MACROD2: variants seen among roughly 807,000 people sequenced by gnomAD.
MACROD2 encodes ADP-ribose glycohydrolase MACROD2.
MACROD2 carries 36 observed loss-of-function variants against 70.4 expected under a neutral mutation model. That is an observed-to-expected ratio of 0.51 (90% CI 0.39 to 0.68). The LOEUF (loss-of-function observed/expected upper bound fraction) is 0.68. Among genes scored for constraint, MACROD2 ranks in the 30% least tolerant of loss-of-function variants. MACROD2 has a pLI of 0.00. For synonymous variants in MACROD2, 172 were observed against 178.8 expected, an observed-to-expected ratio of 0.96 and a Z score of 0.30; for missense variants, 496 against 538.4, an observed-to-expected ratio of 0.92 and a Z score of 0.78.
intron 8 of MACROD2, among the ~76,000 whole-genome samples, chr20:15,826,493 T>C (rs1165614072): frequency 4.6e-5 from 7 of 152,234 alleles, no homozygotes; most frequent in Admixed American, 4.6e-4. Flanking sequence ...TGAATAAACA[T>C]TATTTAACTC....
rs878926707 is a variant in MACROD2, at chr20:14,273,755, C to A, written c.271+188027C>A. On this transcript the variant is annotated intron_variant, in intron 3 of 17. Coordinates refer to ENST00000684519, the MANE Select transcript of MACROD2 (RefSeq NM_001351661.2). ...CAATTGATAGACCGCTAGCAAGACT[C>A]ATAAAGAAGAAAAGAGAGAAGAATC... Among the ~76,000 whole-genome samples, 242 of 152,020 alleles carry A rather than the reference C, an allele frequency of 1.6e-3. 1 individual carries two copies. The highest frequency in any genetic ancestry group is 5.3e-3 in the African/African-American group (219 of 41,474).
In MACROD2 at chr20:15,533,673, T is replaced by C. The variant is rs146712392; in HGVS notation, c.645+33826T>C. 1.6e-3 allele frequency among the ~76,000 whole-genome samples: 247 copies of C among 152,234 alleles called. 3 individuals are homozygous for C. Among genetic ancestry groups the C allele is most frequent in the African/African-American group, 5.7e-3 (238 of 41,550 alleles). On this transcript the variant is annotated intron_variant, in intron 8 of 17. Coordinates refer to ENST00000684519, the MANE Select transcript of MACROD2 (RefSeq NM_001351661.2). ...AAAAGGAAGCATCCTGTAGGTACTT[T>C]GCAGGCATAGCTGATGTTGTATCAT...
At position 15,852,817 on chromosome 20, in the gene MACROD2, G is replaced by A. The variant is rs925292834; in HGVS notation, c.646-9928G>A. On this transcript the variant is annotated intron_variant, in intron 8 of 17. Transcript: ENST00000684519. ...ATAGAATTTCTCATAACCAGCCTGG[G>A]CAACATAGCAAGACTCTGTCTGTAC... Among the ~76,000 whole-genome samples, 351 of 152,146 alleles carry A rather than the reference G, an allele frequency of 2.3e-3. 3 individuals carry two copies. The highest frequency in any genetic ancestry group is 8.1e-4 in the Non-Finnish European group (55 of 68,014).
chr20:15,920,677 G>A (rs1197039962), intron 10 of MACROD2, among the ~76,000 whole-genome samples: 4 of 152,168 alleles, frequency 2.6e-5, no homozygotes, highest in Non-Finnish European at 5.9e-5. Flanking sequence ...GCATCAAAGC[G>A]TGGTGACTGA....
At chr20:14,051,035 G>C (rs897993595) in intron 2 of MACROD2, among the ~76,000 whole-genome samples, 10 of 152,178 alleles carry the variant, frequency 6.6e-5, no homozygotes, top group Non-Finnish European at 1.3e-4. Flanking sequence ...AAATATACTT[G>C]TGAAAAGATG....
At chr20:14,632,129 G>T (rs1360742270) in intron 4 of MACROD2, among the ~76,000 whole-genome samples, 2 of 151,898 alleles carry the variant, frequency 1.3e-5, no homozygotes, top group African/African-American at 4.8e-5. Context: ...TTAGTCTAAG[G>T]ACACTTACAG....
intron 5 of MACROD2, among the ~76,000 whole-genome samples, chr20:14,832,562 T>G (rs892233517): frequency 6.6e-6 from 1 of 152,096 alleles, no homozygotes; most frequent in African/African-American, 2.4e-5. Flanking sequence ...GGAGTTAGAC[T>G]TCTACCTCTT....
chr20:15,955,178 T>C (rs552098662), intron 12 of MACROD2, among the ~76,000 whole-genome samples: 59 of 152,200 alleles, frequency 3.9e-4, no homozygotes, highest in African/African-American at 1.4e-3. Flanking sequence ...CTTTGAAAGA[T>C]TGGAAGAAGG....
intron 3 of MACROD2, among the ~76,000 whole-genome samples, chr20:14,283,517 A>G (rs2082322250): frequency 6.6e-6 from 1 of 152,224 alleles, no homozygotes; most frequent in Non-Finnish European, 1.5e-5. Flanking sequence ...CTTACAGGTT[A>G]TCTATCAGCA....
intron 5 of MACROD2, among the ~76,000 whole-genome samples, chr20:15,112,644 A>T (rs2075963536): frequency 6.6e-6 from 1 of 152,222 alleles, no homozygotes; most frequent in African/African-American, 2.4e-5. Flanking sequence ...TTAAACACGT[A>T]TAACAAAAAT....
intron 3 of MACROD2, among the ~76,000 whole-genome samples, chr20:14,348,552 G>C (rs6110256): frequency 0.2 from 29,289 of 147,110 alleles, 2,987 homozygotes; most frequent in East Asian, 0.31. Flanking sequence ...TTTATTAGTA[G>C]ACAAAAAAAA....
At chr20:15,505,770 C>G (rs2047418729) in intron 8 of MACROD2, among the ~76,000 whole-genome samples, 1 of 152,148 alleles carries the variant, frequency 6.6e-6, no homozygotes, top group Non-Finnish European at 1.5e-5. Context: ...AGGAAAAACC[C>G]CAGCTCTGCA....
chr20:14,800,148 G>GTT (rs555979251), intron 5 of MACROD2, among the ~76,000 whole-genome samples: 3 of 146,510 alleles, frequency 2.0e-5, no homozygotes, highest in Non-Finnish European at 1.5e-5. Context: ...TATGACTTCA[G>GTT]TTTTTTTTTT....
At chr20:14,092,950 A>G (rs1331382202) in intron 3 of MACROD2, among the ~76,000 whole-genome samples, 1 of 152,222 alleles carries the variant, frequency 6.6e-6, no homozygotes, top group African/African-American at 2.4e-5. Context: ...GCTGAAAAGC[A>G]CTGGTGCTCA....
chr20:14,791,785 C>T (rs2072453907), intron 5 of MACROD2, among the ~76,000 whole-genome samples: 1 of 151,658 alleles, frequency 6.6e-6, no homozygotes, highest in Admixed American at 6.6e-5. Context: ...AGCATATAAA[C>T]AATGTATAAA....
intron 3 of MACROD2, among the ~76,000 whole-genome samples, chr20:14,276,409 T>C (rs988948375): frequency 2.9e-5 from 4 of 136,066 alleles, no homozygotes; most frequent in African/African-American, 1.1e-4. Context: ...TTCTCACTCA[T>C]AGGTGGGAAT....
chr20:15,301,822 C>A (rs916492186), intron 6 of MACROD2, among the ~76,000 whole-genome samples: 5 of 152,066 alleles, frequency 3.3e-5, no homozygotes, highest in African/African-American at 9.7e-5. Flanking sequence ...AGTTATTTAG[C>A]TTTCCCCTTC....
intron 2 of MACROD2, among the ~76,000 whole-genome samples, chr20:14,076,757 A>G (rs762701448): frequency 2.1e-4 from 32 of 152,152 alleles, no homozygotes; most frequent in Non-Finnish European, 4.3e-4. Context: ...TTGGTTTAAT[A>G]AAAATGGGTT....
intron 8 of MACROD2, among the ~76,000 whole-genome samples, chr20:15,604,938 C>T (rs186842782): frequency 5.4e-4 from 83 of 152,324 alleles, no homozygotes; most frequent in Admixed American, 1.5e-3. Context: ...TGACCCTTTA[C>T]AATTTCTCAC....
Sources: gnomAD v4.1 joint callset for allele counts (sites outside exome capture counted in the v4.1 genomes callset) on GRCh38, gnomAD v4.1.1 for gene constraint, MANE v1.5 for transcripts, NCBI Gene and HGNC (gene_info 2026-07-23, HGNC 2026-07-21) for gene names.